MYO9B: variants seen among roughly 807,000 people sequenced by gnomAD.
MYO9B encodes the protein myosin IXB, also known as unconventional myosin-IXb.
In MYO9B, 71 loss-of-function variants were observed where a neutral mutation model predicts 229.5. The observed-to-expected ratio is 0.31, with a 90% CI of 0.26 to 0.38. The LOEUF is 0.38. Among genes scored for constraint, MYO9B ranks in the 10% least tolerant of loss-of-function variants. The probability of loss-of-function intolerance (pLI) is 1.00; values close to 1 mark genes in which losing one functional copy is unlikely to be tolerated. For missense variants in MYO9B, 2,255 were observed against 2,920.5 expected (o/e 0.77, Z 5.25); for synonymous variants, 1,185 against 1,235.8 (o/e 0.96, Z 0.86).
chr19:17,095,752 T>G (rs1044754885), intron 1 of MYO9B: 2 of 152,204 alleles, frequency 1.3e-5, no homozygotes, highest in African/African-American at 2.4e-5. Context: ...AGTTATGTAA[T>G]CTCTTTTGTC....
chr19:17,191,011 C>T, intron 19 of MYO9B, 86 bp from the exon 20 acceptor site: 2 of 1,406,980 alleles, frequency 1.4e-6, no homozygotes. Context: ...CCAGCTTCAC[C>T]TTAACCAGGG....
In MYO9B at chr19:17,212,061, C is replaced by G. The variant is rs2073236907; in HGVS notation, c.6225C>G (p.Gly2075=). The G allele has an allele frequency of 6.2e-7, 1 of 1,603,176 alleles. No individual in the cohort carries two copies. Among genetic ancestry groups the G allele is most frequent in the Non-Finnish European group, 8.5e-7 (1 of 1,175,774 alleles). Residue 2075 remains glycine, a synonymous_variant, in exon 40 of 40, where the codon GGC becomes GGG. Transcript: ENST00000682292. This position sits in a 1 kb window ranked among gnomAD's most constrained non-coding sequence, Gnocchi z 5.4. The part of the protein sequence containing the change: ...MPTANIKLPP[G]LPSHLPRWAP... ...CGGCCAACATCAAGCTCCCACCAGG[C>G]CTGCCCTCCCACCTGCCTCGCTGGG...
intron 19 of MYO9B, among the ~76,000 whole-genome samples, chr19:17,190,365 G>C (rs1278199176): frequency 1.3e-5 from 2 of 151,272 alleles, no homozygotes; most frequent in Non-Finnish European, 2.9e-5. Flanking sequence ...GGCTAATTTT[G>C]GTAGAGACAG....
chr19:17,163,218 C>G (rs1206238783), intron 10 of MYO9B, 96 bp downstream of exon 10: 1 of 1,329,484 alleles, frequency 7.5e-7, no homozygotes. Flanking sequence ...TTCAGTTCAG[C>G]GGCGGTAAGT....
intron 1 of MYO9B, among the ~76,000 whole-genome samples, chr19:17,093,241 G>A (rs1411543036): frequency 6.6e-6 from 1 of 151,876 alleles, no homozygotes; most frequent in East Asian, 1.9e-4. Context: ...GCTGAGGCAG[G>A]AAAATGGCTT....
intron 1 of MYO9B, among the ~76,000 whole-genome samples, chr19:17,086,835 G>A (rs2057587846): frequency 6.6e-6 from 1 of 151,608 alleles, no homozygotes; most frequent in African/African-American, 2.4e-5. Flanking sequence ...AGCTGAGATA[G>A]CGCTACTGCA....
intron 10 of MYO9B, 53 bp from the exon 11 acceptor site, chr19:17,167,890 A>G: frequency 1.3e-6 from 2 of 1,547,934 alleles, no homozygotes; most frequent in South Asian, 1.2e-5. Context: ...TGTTATGTAG[A>G]TATTACATAT....
At chr19:17,190,594 C>T (rs1407591460) in intron 19 of MYO9B, among the ~76,000 whole-genome samples, 2 of 146,504 alleles carry the variant, frequency 1.4e-5, no homozygotes, top group East Asian at 4.2e-4. Flanking sequence ...GCTGAGATCA[C>T]ACCACTGCAC....
At chr19:17,181,942 A>AT (rs1485420434) in intron 15 of MYO9B, among the ~76,000 whole-genome samples, 1 of 151,534 alleles carries the variant, frequency 6.6e-6, no homozygotes, top group East Asian at 1.9e-4. Context: ...CTTCCAGCTA[A>AT]TTTTTTGTAT....
Position 17,174,536 on chromosome 19 carries a change from C to T in MYO9B, c.2141-1127C>T, listed in dbSNP as rs74468941. 8.5e-3 allele frequency among the ~76,000 whole-genome samples: 1,289 copies of T among 152,268 alleles called. 57 individuals carry two copies. The highest frequency in any genetic ancestry group is 0.054 in the East Asian group (281 of 5,156). ...TGTGGTCCCAGCTACCACAGGGAGGCTGAGGTAGGAGAATCGCTTGAACCC... is the reference window on the plus strand; with the variant it reads ...TGTGGTCCCAGCTACCACAGGGAGGTTGAGGTAGGAGAATCGCTTGAACCC... On this transcript the variant is annotated intron_variant, in intron 13 of 39. Coordinates refer to ENST00000682292, the MANE Select transcript of MYO9B (RefSeq NM_004145.4).
At chr19:17,135,650 C>T (rs772625920) in intron 2 of MYO9B, among the ~76,000 whole-genome samples, 18 of 152,242 alleles carry the variant, frequency 1.2e-4, no homozygotes, top group Middle Eastern at 3.4e-3. Context: ...ATACCAGACG[C>T]GTGAGGTCAC....
At chr19:17,124,626 G>T (rs916145365) in intron 2 of MYO9B, among the ~76,000 whole-genome samples, 2 of 151,840 alleles carry the variant, frequency 1.3e-5, no homozygotes, top group African/African-American at 4.8e-5. Flanking sequence ...ACAAAAATTA[G>T]CCGGGCACCT....
At chr19:17,145,540 G>C in intron 3 of MYO9B, 49 bp downstream of exon 3, 2 of 1,466,596 alleles carry the variant, frequency 1.4e-6, no homozygotes, top group South Asian at 2.3e-5. Context: ...CCCACGCACT[G>C]TTGCTTCCTG....
chr19:17,084,917 A>G (rs942568823), intron 1 of MYO9B, among the ~76,000 whole-genome samples: 1 of 152,072 alleles, frequency 6.6e-6, no homozygotes, highest in Non-Finnish European at 1.5e-5. Context: ...AGGGAAAAAA[A>G]CATGTCTCGG....
intron 1 of MYO9B, among the ~76,000 whole-genome samples, chr19:17,081,316 C>T (rs2123429874): frequency 6.6e-6 from 1 of 152,238 alleles, no homozygotes; most frequent in African/African-American, 2.4e-5. Flanking sequence ...TGTGAGCCAC[C>T]GTGCCCGGCC....
In MYO9B at chr19:17,213,053, G is replaced by A. The variant is rs991426131; in HGVS notation, c.*743G>A. On this transcript the variant is annotated 3_prime_UTR_variant, in exon 40 of 40. Transcript: ENST00000682292. ...CAAGGGCTGCAGGAGGCTGCTTTTG[G>A]CACTACCCACCCCGTGTGACAGAAT... 1 of 152,334 alleles carries A rather than the reference G, an allele frequency of 6.6e-6. No individual in the cohort carries two copies. Among genetic ancestry groups the A allele is most frequent in the Non-Finnish European group, 1.5e-5 (1 of 68,120 alleles). The allele number at this position is 152,334 out of a possible 1,614,324, so 9.4% of individuals were successfully genotyped here.
At chr19:17,087,794 G>A (rs551309451) in intron 1 of MYO9B, among the ~76,000 whole-genome samples, 2 of 152,272 alleles carry the variant, frequency 1.3e-5, no homozygotes, top group East Asian at 1.9e-4. Flanking sequence ...GCCAGGTGTG[G>A]TGGTGCATGC....
chr19:17,125,506 A>G (rs754684333), intron 2 of MYO9B, among the ~76,000 whole-genome samples: 21 of 152,054 alleles, frequency 1.4e-4, no homozygotes, highest in Admixed American at 3.3e-4. Context: ...CTTGTTTCAC[A>G]CTTAGGTTTT....
chr19:17,210,947 CCT>C, intron 38 of MYO9B, 99 bp downstream of exon 38: 1 of 1,306,108 alleles, frequency 7.7e-7, no homozygotes, highest in Non-Finnish European at 1.1e-6. Flanking sequence ...CAGGTTTGGT[CCT>C]GTCATCCCTA....
Sources: allele counts gnomAD v4.1 joint callset (sites outside exome capture counted in the v4.1 genomes callset), GRCh38; gene constraint gnomAD v4.1.1; non-coding constraint Gnocchi (gnomAD v3.1); transcripts MANE v1.5; gene names NCBI Gene and HGNC (gene_info 2026-07-23, HGNC 2026-07-21).